SUV39H2: variants seen among roughly 807,000 people sequenced by gnomAD.
SUV39H2 encodes SUV39H2 histone lysine methyltransferase.
SUV39H2 carries 10 observed loss-of-function variants against 47.5 expected under a neutral mutation model. That is an observed-to-expected ratio of 0.21 (90% CI 0.13 to 0.36). The LOEUF is 0.36. Among genes scored for constraint, SUV39H2 ranks in the 10% least tolerant of loss-of-function variants. The pLI is 1.00. For missense variants in SUV39H2, 266 were observed against 487.4 expected, an observed-to-expected ratio of 0.55 and a Z score of 4.28; for synonymous variants, 159 against 166.8, an observed-to-expected ratio of 0.95 and a Z score of 0.36.
At chr10:14,896,014 G>T (rs1474746690) in intron 2 of SUV39H2, among the ~76,000 whole-genome samples, 1 of 151,474 alleles carries the variant, frequency 6.6e-6, no homozygotes, top group African/African-American at 2.4e-5. Flanking sequence ...TGCAATCTTG[G>T]CTCACTGCAA....
At chr10:14,893,862 G>A (rs181277478) in intron 2 of SUV39H2, among the ~76,000 whole-genome samples, 11 of 152,280 alleles carry the variant, frequency 7.2e-5, no homozygotes, top group African/African-American at 1.2e-4. Flanking sequence ...AACTTCAGTG[G>A]CAGATGTTTT....
chr10:14,896,632 C>T (rs1833628153), intron 2 of SUV39H2, among the ~76,000 whole-genome samples: 1 of 152,068 alleles, frequency 6.6e-6, no homozygotes, highest in African/African-American at 2.4e-5. Context: ...ACATGTTATG[C>T]CACATCTAAA....
Position 14,899,610 on chromosome 10 carries a change from T to C in SUV39H2, c.921T>C (p.Asp307=), listed in dbSNP as rs183140822. The part of the protein sequence containing the change: ...YDNKGITYLF[D]LDYESDEFTV... ...ACAAGGGAATCACGTATCTCTTTGA[T>C]CTGGACTATGAGTCTGATGAATTCA... Residue 307 remains aspartate, a synonymous_variant, in exon 4 of 6, where the codon GAT becomes GAC. Transcript: ENST00000354919. The C allele has an allele frequency of 6.2e-7, 1 of 1,614,154 alleles. No homozygotes were observed. The highest frequency in any genetic ancestry group is 1.7e-5 in the Admixed American group (1 of 60,020).
chr10:14,881,200 A>T (rs148426217), intron 1 of SUV39H2, among the ~76,000 whole-genome samples: 1 of 152,220 alleles, frequency 6.6e-6, no homozygotes, highest in South Asian at 2.1e-4. Flanking sequence ...CTGCATCTGT[A>T]TATAATCTTA....
At chr10:14,891,052 A>G (rs1167967886) in intron 2 of SUV39H2, among the ~76,000 whole-genome samples, 2 of 152,330 alleles carry the variant, frequency 1.3e-5, no homozygotes, top group East Asian at 3.9e-4. Context: ...TCCCGCAAAT[A>G]ACTTAGAGTT....
intron 2 of SUV39H2, among the ~76,000 whole-genome samples, chr10:14,894,647 G>A (rs1297120103): frequency 1.7e-5 from 1 of 57,478 alleles, no homozygotes; most frequent in Non-Finnish European, 2.9e-5. Flanking sequence ...GATTACAGGC[G>A]TGAGCCACCG....
chr10:14,881,925 C>G (rs914050134), intron 2 of SUV39H2, among the ~76,000 whole-genome samples: 1 of 152,156 alleles, frequency 6.6e-6, no homozygotes, highest in Non-Finnish European at 1.5e-5. Context: ...TGTTTGATCT[C>G]CAATTGTCTT....
At position 14,881,575 on chromosome 10, in the gene SUV39H2, C is replaced by A; in HGVS notation, c.107C>A (p.Ser36Ter). 6.2e-7 allele frequency: 1 copy of A among 1,604,516 alleles called. No individual in the cohort carries two copies. Among genetic ancestry groups the A allele is most frequent in the South Asian group, 1.1e-5 (1 of 89,062 alleles). ...LCRKEKLTCK[S>*]IGITKRNLNN... ...AGAAAAGAAAAGCTCACATGTAAAT[C>A]GATTGGAATCACCAAAAGGAATCTA... Residue 36 changes from serine to a stop codon, truncating the protein, a stop_gained, in exon 2 of 6, where the codon TCG (serine) becomes TAG (stop). Coordinates refer to ENST00000354919, the MANE Select transcript of SUV39H2 (RefSeq NM_001193424.2). LOFTEE classifies it high-confidence loss of function.
intron 2 of SUV39H2, among the ~76,000 whole-genome samples, chr10:14,893,161 G>T (rs930186325): frequency 6.6e-6 from 1 of 151,196 alleles, no homozygotes; most frequent in Non-Finnish European, 1.5e-5. Flanking sequence ...CCGCCACCTC[G>T]CCCGGCTAAT....
intron 2 of SUV39H2, among the ~76,000 whole-genome samples, chr10:14,891,540 A>C (rs1833389774): frequency 6.6e-6 from 1 of 152,186 alleles, no homozygotes; most frequent in African/African-American, 2.4e-5. Flanking sequence ...AACTAGTTGG[A>C]AGATTAATGT....
chr10:14,901,365 G>C, intron 5 of SUV39H2, 103 bp downstream of exon 5: 1 of 1,479,438 alleles, frequency 6.8e-7, no homozygotes, highest in Non-Finnish European at 9.2e-7. Context: ...TAATACTAAA[G>C]ATGAAAAGTT....
chr10:14,901,158 A>G lies in SUV39H2; in HGVS notation c.1022A>G (p.Asn341Ser), dbSNP rs1470231167. 10 of 1,613,948 alleles carry G rather than the reference A, an allele frequency of 6.2e-6. No individual in the cohort carries two copies. Among genetic ancestry groups the G allele is most frequent in the Non-Finnish European group, 7.6e-6 (9 of 1,179,894 alleles). ...HSCDPNLQVF[N>S]VFIDNLDTRL... ...TGTGACCCAAATCTTCAGGTGTTCAATGTTTTCATTGATAACCTCGATACT... is the reference window on the plus strand; with the variant it reads ...TGTGACCCAAATCTTCAGGTGTTCAGTGTTTTCATTGATAACCTCGATACT... Residue 341 changes from asparagine (N) to serine (S), a missense_variant, in exon 5 of 6, where the codon AAT (asparagine) becomes AGT (serine). This residue lies in a region of SUV39H2 where 112 missense variants were observed against 271.9 expected (regional missense o/e 0.41). Coordinates refer to ENST00000354919, the MANE Select transcript of SUV39H2 (RefSeq NM_001193424.2).
At chr10:14,883,827 A>G (rs1005308472) in intron 2 of SUV39H2, among the ~76,000 whole-genome samples, 1 of 151,248 alleles carries the variant, frequency 6.6e-6, no homozygotes, top group Non-Finnish European at 1.5e-5. Context: ...ACCACCTGTT[A>G]CCCCCAGACT....
chr10:14,898,955 C>G (rs928545318), intron 3 of SUV39H2: 9 of 443,792 alleles, frequency 2.0e-5, no homozygotes, highest in Non-Finnish European at 3.2e-5. Context: ...CTGTAGAGAG[C>G]TATAGTTGTA....
intron 4 of SUV39H2, among the ~76,000 whole-genome samples, chr10:14,900,609 C>CT (rs1286481320): frequency 2.0e-5 from 3 of 152,146 alleles, no homozygotes; most frequent in Admixed American, 6.5e-5. Context: ...CTCACTACAT[C>CT]TTTTTTCTTG....
At chr10:14,888,074 G>C (rs1365026545) in intron 2 of SUV39H2, among the ~76,000 whole-genome samples, 2 of 152,198 alleles carry the variant, frequency 1.3e-5, no homozygotes, top group Non-Finnish European at 2.9e-5. Flanking sequence ...CCGAGGAAAG[G>C]ATTTTGGACT....
chr10:14,900,552 A>C (rs1833933363), intron 4 of SUV39H2, among the ~76,000 whole-genome samples: 1 of 152,186 alleles, frequency 6.6e-6, no homozygotes, highest in Non-Finnish European at 1.5e-5. Flanking sequence ...CTCAAAATAG[A>C]GATATTCTAT....
At chr10:14,886,595 C>T (rs188692206) in intron 2 of SUV39H2, among the ~76,000 whole-genome samples, 9 of 152,298 alleles carry the variant, frequency 5.9e-5, no homozygotes. Context: ...GCCTTCCTGG[C>T]TTCATGCTTA....
In SUV39H2 at chr10:14,903,974, A is replaced by T. The variant is rs956177334; in HGVS notation, c.*1462A>T. On this transcript the variant is annotated 3_prime_UTR_variant, in exon 6 of 6. Transcript: ENST00000354919. ...ATAATATATAGGATAAATTGTTTAC[A>T]TGATTGGACCCTCAGATTCTGTTAA... 5 of 152,216 alleles carry T rather than the reference A, an allele frequency of 3.3e-5. No individual in the cohort carries two copies. Among genetic ancestry groups the T allele is most frequent in the African/African-American group, 1.2e-4 (5 of 41,454 alleles). The allele number at this position is 152,216 out of a possible 1,614,324, so 9.4% of individuals were successfully genotyped here.
Sources: gnomAD v4.1 joint callset for allele counts (sites outside exome capture counted in the v4.1 genomes callset) on GRCh38, gnomAD v4.1.1 for gene constraint, gnomAD v4.1.1 regional missense constraint, MANE v1.5 for transcripts, NCBI Gene and HGNC (gene_info 2026-07-23, HGNC 2026-07-21) for gene names.